Variants in LRRK2 observed in about 807,000 individuals in gnomAD.
LRRK2 encodes the protein leucine-rich repeat serine/threonine-protein kinase 2.
Under a neutral mutation model 302.6 loss-of-function variants are expected in LRRK2, and 203 were observed. The observed-to-expected ratio is 0.67, with a 90% CI of 0.60 to 0.75. LRRK2 has a LOEUF of 0.75. Ranked by LOEUF, LRRK2 falls within the 30% of genes least tolerant of loss-of-function variation. The pLI, the probability that LRRK2 is intolerant of heterozygous loss-of-function variation, is 0.00. For missense variants in LRRK2, 2,830 were observed against 2,951.0 expected (o/e 0.96, Z 0.95); for synonymous variants, 1,066 against 1,031.9 (o/e 1.03, Z -0.63).
In LRRK2 at chr12:40,287,369, C is replaced by G. The variant is rs1294121455; in HGVS notation, c.2519C>G (p.Ala840Gly). The G allele has an allele frequency of 6.2e-7, 1 of 1,612,088 alleles. No homozygotes were observed. The highest frequency in any genetic ancestry group is 2.2e-5 in the East Asian group (1 of 44,830). ...TTTTCAGATATAGCATCTACACTAGCAAGAATGGTGATCAGATATCAGATG... is the reference window on the plus strand; with the variant it reads ...TTTTCAGATATAGCATCTACACTAGGAAGAATGGTGATCAGATATCAGATG... ...RKQTNIASTL[A>G]RMVIRYQMKS... The change falls in exon 20 of 51, where the codon GCA becomes GGA. Residue 840 changes from alanine to glycine, a missense_variant. Physicochemically the swap from Ala to Gly is moderately conservative, Grantham distance 60. This residue lies in a region of LRRK2 where 2,121 missense variants were observed against 2,148.0 expected (regional missense o/e 0.99). Coordinates refer to ENST00000298910, the MANE Select transcript of LRRK2 (RefSeq NM_198578.4).
chr12:40,320,255 A>C, intron 34 of LRRK2, 80 bp downstream of exon 34: 1 of 1,096,626 alleles, frequency 9.1e-7, no homozygotes, highest in South Asian at 1.4e-5. Context: ...ACTGTAGTCT[A>C]TAATAGATGT....
chr12:40,317,008 G>A (rs185835294), intron 33 of LRRK2, among the ~76,000 whole-genome samples: 136 of 152,064 alleles, frequency 8.9e-4, no homozygotes, highest in Middle Eastern at 3.4e-3. Context: ...TGAACATTAG[G>A]ATGGGTATAT....
chr12:40,316,092 C>G (rs772057302), intron 33 of LRRK2, among the ~76,000 whole-genome samples: 6 of 151,898 alleles, frequency 4.0e-5, no homozygotes, highest in Non-Finnish European at 5.9e-5. Context: ...TGAAAAATTA[C>G]CCTAGTTGAG....
rs56701518 is a variant in LRRK2 at position 40,298,921 on chromosome 12, A to G, written c.3348-188A>G. Among the ~76,000 whole-genome samples, 2,927 of 135,732 alleles carry G rather than the reference A, an allele frequency of 0.022. 128 individuals carry two copies. Among genetic ancestry groups the G allele is most frequent in the African/African-American group, 0.076 (2,772 of 36,618 alleles). The allele number at this position is 135,732 out of a possible 152,430, so 89.0% of individuals were successfully genotyped here. ...ATATACTATATATAATACTTATTAT[A>G]TATATAATAAAAGACCGAGGCAATG... On this transcript the variant is annotated intron_variant, in intron 24 of 50. Coordinates refer to ENST00000298910, the MANE Select transcript of LRRK2 (RefSeq NM_198578.4).
intron 13 of LRRK2, among the ~76,000 whole-genome samples, chr12:40,262,703 T>G (rs1942829515): frequency 6.6e-6 from 1 of 152,180 alleles, no homozygotes; most frequent in African/African-American, 2.4e-5. Flanking sequence ...TCATTTGGTC[T>G]TAATTTAAGG....
At chr12:40,293,472 A>C in intron 20 of LRRK2, 73 bp from the exon 21 acceptor site, 1 of 922,828 alleles carries the variant, frequency 1.1e-6, no homozygotes. Flanking sequence ...TGATTGAACT[A>C]TGATAGAAGG....
At chr12:40,267,532 G>A (rs1429556958) in intron 14 of LRRK2, among the ~76,000 whole-genome samples, 5 of 152,134 alleles carry the variant, frequency 3.3e-5, no homozygotes, top group Admixed American at 3.3e-4. Context: ...TAAGTGAGGT[G>A]TAACCTCAGC....
rs547058119 is a variant in LRRK2, at chr12:40,354,995, G to A, written c.6770+503G>A. On this transcript the variant is annotated intron_variant, in intron 45 of 50. Coordinates refer to ENST00000298910, the MANE Select transcript of LRRK2 (RefSeq NM_198578.4). The stretch of plus-strand genomic sequence containing the variant: ...AGCTCTTATCAATTGCAGGGTTCTT[G>A]TCCCAAAGAAATATATCTACATAGC... 1.2e-3 allele frequency among the ~76,000 whole-genome samples: 187 copies of A among 152,172 alleles called. 1 individual carries two copies. The highest frequency in any genetic ancestry group is 4.0e-3 in the African/African-American group (167 of 41,532).
chr12:40,307,088 A>G (rs1944851763), intron 28 of LRRK2, among the ~76,000 whole-genome samples: 1 of 151,492 alleles, frequency 6.6e-6, no homozygotes, highest in Admixed American at 6.6e-5. Context: ...ATATTTTTAA[A>G]CATGTTTAAC....
At chr12:40,339,540 G>A (rs747113122) in intron 40 of LRRK2, among the ~76,000 whole-genome samples, 11 of 152,092 alleles carry the variant, frequency 7.2e-5, no homozygotes, top group African/African-American at 1.4e-4. Flanking sequence ...TCGTGATTGC[G>A]TGGGTCAGTC....
intron 44 of LRRK2, among the ~76,000 whole-genome samples, chr12:40,352,481 A>ATTTTTTTTTTTTT (rs1565773923): frequency 1.3e-3 from 29 of 21,974 alleles, no homozygotes; most frequent in African/African-American, 2.9e-3. Flanking sequence ...TTTTTTTTTA[A>ATTTTTTTTTTTTT]TTGATCATTC....
chr12:40,226,628 G>T (rs1246061081), intron 2 of LRRK2, among the ~76,000 whole-genome samples: 1 of 152,152 alleles, frequency 6.6e-6, no homozygotes, highest in East Asian at 1.9e-4. Flanking sequence ...ACATCTGGAA[G>T]AAATATTTTA....
chr12:40,230,668 CTTTTTT>C (rs3057613), intron 2 of LRRK2, among the ~76,000 whole-genome samples: 1 of 135,330 alleles, frequency 7.4e-6, no homozygotes, highest in South Asian at 2.3e-4. Context: ...TGCACTTTCT[CTTTTTT>C]TTTTTTTTTT....
intron 1 of LRRK2, 131 bp from the exon 2 acceptor site, chr12:40,225,424 G>A: frequency 1.6e-6 from 2 of 1,272,570 alleles, no homozygotes; most frequent in Non-Finnish European, 2.3e-6. Flanking sequence ...CCTTTCCTTA[G>A]GGCAGAAAGC....
intron 14 of LRRK2, among the ~76,000 whole-genome samples, chr12:40,270,413 A>G (rs779857905): frequency 6.6e-6 from 1 of 152,084 alleles, no homozygotes; most frequent in Non-Finnish European, 1.5e-5. Context: ...TTTTTCACTC[A>G]TCTTTTAGTT....
In LRRK2 at chr12:40,283,992, A is replaced by G. The variant is rs1943811979; in HGVS notation, c.2359A>G (p.Ile787Val). ...CATTGGGAAAGGTGACAGCCAGATC[A>G]TCAGCTTGCTCTTAAGGAGGCTGGC... ...ISIGKGDSQIISLLLRRLALD... is the reference protein window; with the variant it reads ...ISIGKGDSQIVSLLLRRLALD... Residue 787 changes from isoleucine to valine, a missense_variant, in exon 19 of 51, where the codon ATC becomes GTC. By Grantham distance (29) the Ile-to-Val change is conservative (BLOSUM62 3). Around this residue, in one of 3 missense-constraint regions of LRRK2, gnomAD observed 2,121 missense variants for 2,148.0 expected, o/e 0.99. Transcript: ENST00000298910. The G allele has an allele frequency of 1.2e-6, 2 of 1,613,968 alleles. No homozygotes were observed. Among genetic ancestry groups the G allele is most frequent in the Non-Finnish European group, 1.7e-6 (2 of 1,179,940 alleles).
intron 33 of LRRK2, among the ~76,000 whole-genome samples, chr12:40,319,202 T>C (rs933675286): frequency 1.3e-5 from 2 of 152,258 alleles, no homozygotes; most frequent in African/African-American, 4.8e-5. Flanking sequence ...GTACTTTGCG[T>C]ACTTTACATG....
At chr12:40,355,824 G>A (rs911919773) in intron 45 of LRRK2, among the ~76,000 whole-genome samples, 15 of 152,190 alleles carry the variant, frequency 9.9e-5, no homozygotes, top group African/African-American at 3.1e-4. Context: ...GATTACAAGT[G>A]TGAGCCACCA....
At chr12:40,247,843 C>CA (rs1942079880) in intron 7 of LRRK2, among the ~76,000 whole-genome samples, 1 of 148,930 alleles carries the variant, frequency 6.7e-6, no homozygotes, top group Non-Finnish European at 1.5e-5. Context: ...TTGATACGTA[C>CA]AACTATCTTG....
Sources: allele counts gnomAD v4.1 joint callset (sites outside exome capture counted in the v4.1 genomes callset), GRCh38; gene constraint gnomAD v4.1.1; regional missense constraint gnomAD v4.1.1; transcripts MANE v1.5; gene names NCBI Gene and HGNC (gene_info 2026-07-23, HGNC 2026-07-21).